Variants in MTM1 observed in about 807,000 individuals in gnomAD.
MTM1 encodes the protein myotubularin 1.
Under a neutral mutation model 52.1 loss-of-function variants are expected in MTM1, and 9 were observed. The observed-to-expected ratio is 0.17, with a 90% CI of 0.10 to 0.30. The LOEUF (loss-of-function observed/expected upper bound fraction) is 0.30, where lower values mean the gene tolerates loss of function less well. Ranked by LOEUF, MTM1 falls within the 10% of genes least tolerant of loss-of-function variation. MTM1 has a pLI of 1.00. For missense variants in MTM1, 277 were observed against 470.7 expected (o/e 0.59, Z 3.81); for synonymous variants, 136 against 163.8 (o/e 0.83, Z 1.29).
chrX:150,671,508 G>C lies in MTM1; in HGVS notation c.1725G>C (p.Gln575His). 8.3e-7 allele frequency: 1 copy of C among 1,211,194 alleles called. No homozygotes were observed. Among genetic ancestry groups the C allele is most frequent in the Non-Finnish European group, 1.1e-6 (1 of 895,418 alleles). ...ACATAAAGCGGCTTGAGGAACTGCA[G>C]CTCGCCAACTCTGCCAAGCTTTCTG... is the stretch of plus-strand genomic sequence containing the variant. ...DEYIKRLEELQLANSAKLSDP... is the reference protein window; with the variant it reads ...DEYIKRLEELHLANSAKLSDP... Residue 575 changes from glutamine (Q) to histidine (H), a missense_variant, in exon 15 of 15, where the codon CAG becomes CAC. By Grantham distance (24) the Gln-to-His change is conservative (BLOSUM62 0). Coordinates refer to ENST00000370396, the MANE Select transcript of MTM1 (RefSeq NM_000252.3).
chrX:150,577,058 A>G (rs1415475188), intron 1 of MTM1, among the ~76,000 whole-genome samples: 2 of 112,692 alleles, frequency 1.8e-5, no homozygotes, highest in Non-Finnish European at 3.8e-5. Flanking sequence ...TGTCAAGGAT[A>G]GGCTTATGTG....
intron 10 of MTM1, among the ~76,000 whole-genome samples, chrX:150,656,967 G>A (rs1275379672): frequency 9.0e-6 from 1 of 111,241 alleles, no homozygotes; most frequent in Admixed American, 9.5e-5. Context: ...AAAAAGTCAG[G>A]AAACAACAGG....
intron 4 of MTM1, among the ~76,000 whole-genome samples, chrX:150,610,843 C>CT (rs1557412967): frequency 8.9e-6 from 1 of 111,926 alleles, no homozygotes; most frequent in Admixed American, 9.5e-5. Context: ...AATTCTTCCA[C>CT]TTTTTTCAAA....
Position 150,622,869 on chromosome X carries a change from G to GT in MTM1, c.444+3731dup, listed in dbSNP as rs1239994819. On this transcript the variant is annotated intron_variant, in intron 6 of 14. Transcript: ENST00000370396. Reference sequence around the variant, plus strand: ...CTGTTTTGGACACATAGCATTTCATGTATTTTGACAGAATTGACAGCAAGC... The same window carrying GT: ...CTGTTTTGGACACATAGCATTTCATGTTATTTTGACAGAATTGACAGCAAGC... Among the ~76,000 whole-genome samples the GT allele has an allele frequency of 7.2e-5, 8 of 111,746 alleles. No homozygotes were observed. In the Admixed American group the frequency reaches 7.6e-4, roughly 11 times the overall value.
At chrX:150,589,130 A>G (rs897044824) in intron 1 of MTM1, among the ~76,000 whole-genome samples, 6 of 111,603 alleles carry the variant, frequency 5.4e-5, no homozygotes, top group Non-Finnish European at 9.4e-5. Flanking sequence ...AAGCTGTTCT[A>G]CTGAGATTGG....
intron 6 of MTM1, among the ~76,000 whole-genome samples, chrX:150,623,058 A>G (rs1427850286): frequency 8.9e-6 from 1 of 112,013 alleles, no homozygotes; most frequent in African/African-American, 3.2e-5. Context: ...AAAATTTTAG[A>G]GGACTTCTGG....
At chrX:150,654,775 GC>G (rs1326507974) in intron 10 of MTM1, among the ~76,000 whole-genome samples, 1 of 111,562 alleles carries the variant, frequency 9.0e-6, no homozygotes, top group Non-Finnish European at 1.9e-5. Context: ...CACTTGGTCT[GC>G]CTTTTCTGTG....
chrX:150,593,137 GC>G (rs1386874394), intron 2 of MTM1, among the ~76,000 whole-genome samples: 3 of 112,353 alleles, frequency 2.7e-5, no homozygotes, highest in Admixed American at 1.9e-4. Context: ...GAGCTACCAC[GC>G]CGGCCCAGAA....
chrX:150,613,157 G>A (rs1241144039), intron 4 of MTM1, among the ~76,000 whole-genome samples: 1 of 107,429 alleles, frequency 9.3e-6, no homozygotes, highest in African/African-American at 3.4e-5. Flanking sequence ...AAAAAGGGGG[G>A]AAAGAAAAGA....
chrX:150,598,450 C>G (rs1824024745), intron 3 of MTM1, 142 bp from the exon 4 acceptor site: 2 of 443,938 alleles, frequency 4.5e-6, no homozygotes, highest in Non-Finnish European at 8.0e-6. Flanking sequence ...AGAAACATTG[C>G]CAGTGCTTGC....
chrX:150,639,095 AGCC>A, intron 7 of MTM1, 69 bp downstream of exon 7: 4 of 873,855 alleles, frequency 4.6e-6, no homozygotes, highest in Non-Finnish European at 5.1e-6. Context: ...GTATGTCATC[AGCC>A]ATGCTTTCTG....
intron 6 of MTM1, among the ~76,000 whole-genome samples, chrX:150,631,639 G>C (rs1460520708): frequency 6.3e-4 from 60 of 94,638 alleles, no homozygotes; most frequent in Non-Finnish European, 9.5e-4. Flanking sequence ...CTCCAGCCGG[G>C]GCGACAGAAT....
At chrX:150,616,523 T>C (rs1003760005) in intron 5 of MTM1, among the ~76,000 whole-genome samples, 1 of 111,991 alleles carries the variant, frequency 8.9e-6, no homozygotes, top group Admixed American at 9.5e-5. Context: ...ATGCCAGCAA[T>C]GCACATAGAG....
At chrX:150,659,872 G>T in intron 12 of MTM1, 116 bp downstream of exon 12, 1 of 608,873 alleles carries the variant, frequency 1.6e-6, no homozygotes, top group South Asian at 2.5e-5. Flanking sequence ...GATGAAGCAA[G>T]ACTGGGCATG....
intron 14 of MTM1, among the ~76,000 whole-genome samples, chrX:150,665,208 G>T (rs144999212): frequency 8.9e-6 from 1 of 111,960 alleles, no homozygotes; most frequent in African/African-American, 3.2e-5. Context: ...GAATATGAAG[G>T]ATCCTACACA....
chrX:150,643,870 G>A (rs1274482912), intron 8 of MTM1, among the ~76,000 whole-genome samples: 3 of 111,645 alleles, frequency 2.7e-5, no homozygotes, highest in African/African-American at 9.8e-5. Context: ...TACTGTAAAA[G>A]CACTCATGGT....
chrX:150,567,265 C>T (rs1345593530), upstream of MTM1, among the ~76,000 whole-genome samples: 1 of 111,260 alleles, frequency 9.0e-6, no homozygotes. Context: ...TTCTGGATGG[C>T]TTTGTTACTC....
At chrX:150,665,723 A>G (rs2040294218) in intron 14 of MTM1, among the ~76,000 whole-genome samples, 1 of 112,452 alleles carries the variant, frequency 8.9e-6, no homozygotes, top group Non-Finnish European at 1.9e-5. Flanking sequence ...TTAAAAGCAA[A>G]AGCCACCAAC....
At chrX:150,644,586 T>C (rs1335704126) in intron 8 of MTM1, among the ~76,000 whole-genome samples, 1 of 111,799 alleles carries the variant, frequency 8.9e-6, no homozygotes, top group Non-Finnish European at 1.9e-5. Context: ...TTTGGTGTTA[T>C]GTTGAGTGAG....
Sources: gnomAD v4.1 joint callset for allele counts (sites outside exome capture counted in the v4.1 genomes callset) on GRCh38, gnomAD v4.1.1 for gene constraint, MANE v1.5 for transcripts, NCBI Gene and HGNC (gene_info 2026-07-23, HGNC 2026-07-21) for gene names.